CUX1: variants seen among roughly 807,000 people sequenced by gnomAD.
The protein encoded by CUX1 is protein CASP.
Under a neutral mutation model 158.8 loss-of-function variants are expected in CUX1, and 31 were observed. That is an observed-to-expected ratio of 0.20 (90% confidence interval 0.15 to 0.26). CUX1 has a LOEUF of 0.26. CUX1 is among the 10% of genes least tolerant of loss of function. CUX1 has a pLI of 1.00. For missense variants in CUX1, 1,589 were observed against 2,014.6 expected (o/e 0.79, Z 4.04); for synonymous variants, 879 against 862.1 (o/e 1.02, Z -0.34).
At chr7:102,143,251 T>G (rs1359575005) in intron 8 of CUX1, among the ~76,000 whole-genome samples, 3 of 152,118 alleles carry the variant, frequency 2.0e-5, no homozygotes, top group African/African-American at 7.2e-5. Flanking sequence ...TTCTTCCCAT[T>G]CTCTGTTCTT....
intron 4 of CUX1, among the ~76,000 whole-genome samples, chr7:102,080,096 G>A (rs1186008410): frequency 1.3e-5 from 2 of 152,204 alleles, no homozygotes; most frequent in Admixed American, 6.5e-5. Flanking sequence ...CAAGATGGGC[G>A]TTAGGCCTGT....
intron 14 of CUX1, among the ~76,000 whole-genome samples, chr7:102,269,513 C>G (rs190007954): frequency 3.3e-5 from 5 of 151,832 alleles, no homozygotes; most frequent in African/African-American, 1.2e-4. Context: ...TCAAGCCATT[C>G]TCCTGCCTCA....
chr7:102,143,925 G>A (rs1385493970), intron 8 of CUX1, among the ~76,000 whole-genome samples: 1 of 152,006 alleles, frequency 6.6e-6, no homozygotes, highest in Non-Finnish European at 1.5e-5. Context: ...TGGAATTACA[G>A]GCATGCACCA....
intron 2 of CUX1, among the ~76,000 whole-genome samples, chr7:101,957,655 G>A: frequency 6.6e-6 from 1 of 152,154 alleles, no homozygotes; most frequent in East Asian, 1.9e-4. Context: ...GAACCTGGGA[G>A]GTGGAGGTTG....
chr7:102,168,882 G>GCTTTTCTTTTCTTTTCTTTT (rs370878244), intron 9 of CUX1, among the ~76,000 whole-genome samples: 2 of 144,308 alleles, frequency 1.4e-5, no homozygotes, highest in East Asian at 2.0e-4. Flanking sequence ...GCTTGGCCAG[G>GCTTTTCTTTTCTTTTCTTTT]CTTTTCTTTT....
intron 8 of CUX1, among the ~76,000 whole-genome samples, chr7:102,147,990 A>G (rs2131463592): frequency 6.6e-6 from 1 of 152,322 alleles, no homozygotes; most frequent in African/African-American, 2.4e-5. Flanking sequence ...ATAAATAAAT[A>G]AATAAATAAA....
chr7:101,854,946 G>C (rs1584771810), intron 1 of CUX1, among the ~76,000 whole-genome samples: 2 of 152,130 alleles, frequency 1.3e-5, no homozygotes, highest in Admixed American at 6.5e-5. Context: ...GTTTCACCAG[G>C]CTGGTCTCAA....
intron 1 of CUX1, among the ~76,000 whole-genome samples, chr7:101,845,432 G>T (rs1795588492): frequency 6.6e-6 from 1 of 152,126 alleles, no homozygotes. Flanking sequence ...ACAGGCGATG[G>T]GTGGTGAGGT....
intron 1 of CUX1, among the ~76,000 whole-genome samples, chr7:101,885,024 T>G (rs1449007374): frequency 6.6e-6 from 1 of 152,326 alleles, no homozygotes; most frequent in African/African-American, 2.4e-5. Flanking sequence ...CCTCCCTGCA[T>G]GTCCTCTGTA....
chr7:102,246,457 C>A (rs782168260), intron 23 of CUX1, among the ~76,000 whole-genome samples: 10 of 152,184 alleles, frequency 6.6e-5, no homozygotes, highest in Non-Finnish European at 1.2e-4. Context: ...AGATTCACAA[C>A]CCCCTGCACC....
At chr7:102,028,036 C>T in intron 2 of CUX1, 62 bp from the exon 3 acceptor site, 1 of 1,583,606 alleles carries the variant, frequency 6.3e-7, no homozygotes, top group Non-Finnish European at 8.7e-7. Flanking sequence ...AGGCCTTAAC[C>T]AATGTTTCCC....
intron 19 of CUX1, 106 bp from the exon 20 acceptor site, chr7:102,205,008 C>T (rs1025599487): frequency 1.3e-6 from 1 of 799,814 alleles, no homozygotes; most frequent in Non-Finnish European, 2.1e-6. Context: ...GCCCGCCCCT[C>T]CCCAGGAGGA....
rs1463521748 is a variant in CUX1 at position 102,248,828 on chromosome 7, C to G, written c.4304C>G (p.Pro1435Arg). The G allele has an allele frequency of 7.7e-5, 91 of 1,179,450 alleles. 1 individual carries two copies. The highest frequency in any genetic ancestry group is 8.5e-5 in the Non-Finnish European group (81 of 951,196). 73.1% of individuals were successfully genotyped at this position (1,179,450 alleles called of 1,614,324 possible). Residue 1435 changes from proline (P) to arginine (R), a missense_variant, in exon 24 of 24, where the codon CCG becomes CGG. Physicochemically the swap from Pro to Arg is moderately radical, Grantham distance 103. Around this residue, in one of 8 missense-constraint regions of CUX1, gnomAD observed 344 missense variants for 323.7 expected, o/e 1.06. Transcript: ENST00000292535. The surrounding 1 kb of genome is among the most constrained non-coding windows in gnomAD (Gnocchi z 5.8). ...AAAPGEGPAA[P>R]SSAPPPSNSS... ...GCGCCGGGGGAGGGCCCCGCGGCCCCGAGCTCCGCGCCGCCGCCCAGCAAC... is the reference window on the plus strand; with the variant it reads ...GCGCCGGGGGAGGGCCCCGCGGCCCGGAGCTCCGCGCCGCCGCCCAGCAAC...
At chr7:102,034,840 A>G (rs1215177890) in intron 3 of CUX1, among the ~76,000 whole-genome samples, 1 of 152,018 alleles carries the variant, frequency 6.6e-6, no homozygotes, top group Admixed American at 6.6e-5. Flanking sequence ...AGGCTGAAGC[A>G]GGAGAATCAC....
chr7:102,024,794 T>A (rs183017898), intron 2 of CUX1, among the ~76,000 whole-genome samples: 2 of 152,270 alleles, frequency 1.3e-5, no homozygotes, highest in African/African-American at 2.4e-5. Flanking sequence ...ACCCTTTGTG[T>A]TATATGTTGT....
At chr7:101,922,403 T>G (rs1270466258) in intron 2 of CUX1, among the ~76,000 whole-genome samples, 2 of 152,200 alleles carry the variant, frequency 1.3e-5, no homozygotes, top group East Asian at 3.9e-4. Flanking sequence ...GTAACCCTTT[T>G]TATAGATAAA....
chr7:101,895,612 C>T (rs753662066), intron 1 of CUX1, among the ~76,000 whole-genome samples: 24 of 152,066 alleles, frequency 1.6e-4, no homozygotes, highest in Non-Finnish European at 2.5e-4. Context: ...GCATTGCAGC[C>T]CCAAAAGGAG....
At chr7:102,080,300 G>A (rs1827232556) in intron 4 of CUX1, among the ~76,000 whole-genome samples, 1 of 152,152 alleles carries the variant, frequency 6.6e-6, no homozygotes, top group Non-Finnish European at 1.5e-5. Flanking sequence ...GGGTGGTCCT[G>A]GCACGCCGGG....
rs1801540696 is a variant in CUX1 at position 102,251,809 on chromosome 7, G to A, written c.*2767G>A. On this transcript the variant is annotated 3_prime_UTR_variant, in exon 24 of 24. Coordinates refer to ENST00000292535, the MANE Select transcript of CUX1 (RefSeq NM_181552.4). ...AATGAAAAGAAGTTAACAGGAAATA[G>A]TAGGCTAGGGTTTAGTTTTAAAGGC... The A allele has an allele frequency of 1.0e-6, 1 of 985,280 alleles. No homozygotes were observed. The highest frequency in any genetic ancestry group is 4.7e-5 in the South Asian group (1 of 21,292). 61.0% of individuals were successfully genotyped at this position (985,280 alleles called of 1,614,324 possible).
Sources: gnomAD v4.1 joint callset for allele counts (sites outside exome capture counted in the v4.1 genomes callset) on GRCh38, gnomAD v4.1.1 for gene constraint, gnomAD v4.1.1 regional missense constraint, Gnocchi (gnomAD v3.1) non-coding constraint, MANE v1.5 for transcripts, NCBI Gene and HGNC (gene_info 2026-07-23, HGNC 2026-07-21) for gene names.